TASOR: variants seen among roughly 807,000 people sequenced by gnomAD.
TASOR encodes protein TASOR.
TASOR carries 53 observed loss-of-function variants against 178.6 expected under a neutral mutation model. The ratio of observed to expected loss-of-function variants is 0.30; its 90% CI spans 0.24 to 0.37. The LOEUF (loss-of-function observed/expected upper bound fraction) is 0.37, where lower values mean the gene tolerates loss of function less well. TASOR is among the 10% of genes least tolerant of loss of function. The pLI is 1.00. For synonymous variants in TASOR, 713 were observed against 696.2 expected, an observed-to-expected ratio of 1.02 and a Z score of -0.38; for missense variants, 1,815 against 1,971.4, an observed-to-expected ratio of 0.92 and a Z score of 1.50.
chr3:56,635,335 T>TAA (rs2107549400), intron 17 of TASOR, among the ~76,000 whole-genome samples: 1 of 152,288 alleles, frequency 6.6e-6, no homozygotes, highest in South Asian at 2.1e-4. Flanking sequence ...ATGAAATTGA[T>TAA]AAACCAGAAA....
intron 11 of TASOR, among the ~76,000 whole-genome samples, chr3:56,658,046 T>C (rs1397701575): frequency 2.0e-5 from 3 of 150,212 alleles, no homozygotes; most frequent in African/African-American, 4.8e-5. Flanking sequence ...TCAGAAAACC[T>C]TGTGTGCATT....
intron 2 of TASOR, among the ~76,000 whole-genome samples, chr3:56,673,317 A>T (rs1335962548): frequency 2.6e-5 from 4 of 151,502 alleles, no homozygotes; most frequent in Non-Finnish European, 1.5e-5. Context: ...CTGTAATCCC[A>T]GCTACTTTGG....
In TASOR at chr3:56,633,835, T is replaced by C. The variant is rs758446384; in HGVS notation, c.2956A>G (p.Lys986Glu). ...AACACGTCATCCTCAGTGGTGCCCT[T>C]TAGTGTGTCTGTAAATGGAGAGGAT... is the stretch of plus-strand genomic sequence containing the variant. ...FPSSPFTDTLKGTTEDDVLTG... is the reference protein window; with the variant it reads ...FPSSPFTDTLEGTTEDDVLTG... Residue 986 changes from lysine to glutamate, a missense_variant, in exon 18 of 24, where the codon AAG becomes GAG. By Grantham distance (56) the Lys-to-Glu change is moderately conservative. This residue lies in a region of TASOR where 655 missense variants were observed against 671.1 expected (regional missense o/e 0.98). Transcript: ENST00000683822. 1.9e-6 allele frequency: 3 copies of C among 1,614,046 alleles called. No homozygotes were observed. Among genetic ancestry groups the C allele is most frequent in the Non-Finnish European group, 2.5e-6 (3 of 1,179,980 alleles).
At chr3:56,667,436 T>C (rs945898354) in intron 6 of TASOR, among the ~76,000 whole-genome samples, 2 of 152,066 alleles carry the variant, frequency 1.3e-5, no homozygotes, top group South Asian at 2.1e-4. Context: ...CAGGATCACC[T>C]GAGGTCAGGA....
intron 18 of TASOR, among the ~76,000 whole-genome samples, chr3:56,631,670 G>A (rs1385519420): frequency 6.8e-6 from 1 of 148,010 alleles, no homozygotes; most frequent in Non-Finnish European, 1.5e-5. Context: ...TGCAAGCTCC[G>A]CCTCCCGGAT....
intron 18 of TASOR, among the ~76,000 whole-genome samples, chr3:56,630,919 G>A (rs1004001083): frequency 9.3e-5 from 13 of 140,082 alleles, no homozygotes; most frequent in African/African-American, 3.1e-4. Context: ...GAGCGGGGGG[G>A]TGGGGGGTGG....
At chr3:56,657,013 A>G (rs2077485890) in intron 11 of TASOR, among the ~76,000 whole-genome samples, 1 of 151,752 alleles carries the variant, frequency 6.6e-6, no homozygotes. Flanking sequence ...ACCGTCAAAA[A>G]AAAAAAAAAG....
At position 56,655,056 on chromosome 3, in the gene TASOR, T is replaced by C. The variant is rs78277801; in HGVS notation, c.1368+5675A>G. 4.3e-4 allele frequency among the ~76,000 whole-genome samples: 65 copies of C among 152,332 alleles called. No individual in the cohort carries two copies. The East Asian group carries it at 0.011, about 25-fold the overall frequency. ...AACCCAAAAATACTGTGTGACCAGATTGATAAATGCAACCCCTGACCCAAA... is the reference window on the plus strand; with the variant it reads ...AACCCAAAAATACTGTGTGACCAGACTGATAAATGCAACCCCTGACCCAAA... On this transcript the variant is annotated intron_variant, in intron 11 of 23. Coordinates refer to ENST00000683822, the MANE Select transcript of TASOR (RefSeq NM_001365635.2).
intron 14 of TASOR, among the ~76,000 whole-genome samples, chr3:56,643,671 C>T (rs555210779): frequency 1.5e-3 from 233 of 151,038 alleles, no homozygotes; most frequent in African/African-American, 5.5e-3. Flanking sequence ...AAGAGAATGG[C>T]GAGAACCAGG....
rs759389125 is a variant in TASOR at position 56,682,648 on chromosome 3, G to C, written c.331+28C>G. ...TGAAAAGATGGAGGGGAGAGAGAGAGGGGGTTGAGAAGAAGGGGAGGCACC... is the reference window on the plus strand; with the variant it reads ...TGAAAAGATGGAGGGGAGAGAGAGACGGGGTTGAGAAGAAGGGGAGGCACC... On this transcript the variant is annotated intron_variant, in intron 1 of 23. Coordinates refer to ENST00000683822, the MANE Select transcript of TASOR (RefSeq NM_001365635.2). The C allele has an allele frequency of 7.7e-6, 11 of 1,437,332 alleles. No homozygotes were observed. The African/African-American group carries it at 8.7e-5, about 11-fold the overall frequency. The allele number at this position is 1,437,332 out of a possible 1,614,324, so 89.0% of individuals were successfully genotyped here.
rs778768594 is a variant in TASOR at position 56,624,950 on chromosome 3, T to C, written c.4196A>G (p.His1399Arg). 6.2e-7 allele frequency: 1 copy of C among 1,614,198 alleles called. No homozygotes were observed. ...LTLLNVYQKKHLVEILSYHNC... is the reference protein window; with the variant it reads ...LTLLNVYQKKRLVEILSYHNC... The stretch of plus-strand genomic sequence containing the variant: ...GTGGTATGACAAAATTTCAACCAGA[T>C]GTTTCTTCTGATAGACATTCAGAAG... Residue 1399 changes from histidine to arginine, a missense_variant, in exon 22 of 24, where the codon CAT (histidine) becomes CGT (arginine). His to Arg is a conservative substitution (Grantham distance 29). Around this residue, in one of 5 missense-constraint regions of TASOR, gnomAD observed 134 missense variants for 195.2 expected, o/e 0.69. Coordinates refer to ENST00000683822, the MANE Select transcript of TASOR (RefSeq NM_001365635.2).
At position 56,633,434 on chromosome 3, in the gene TASOR, A is replaced by G. The variant is rs1369424557; in HGVS notation, c.3357T>C (p.His1119=). The G allele has an allele frequency of 5.0e-6, 8 of 1,614,122 alleles. No individual in the cohort carries two copies. The Admixed American group carries it at 1.0e-4, about 20-fold the overall frequency. The change falls in exon 18 of 24, where the codon CAT becomes CAC. Residue 1119 remains histidine (H), a synonymous_variant. Transcript: ENST00000683822. ...AGTCACTTGAGGAAACTGGTATGAC[A>G]TGCCTTTCCAGAGGATTCGATGCTA... is the stretch of plus-strand genomic sequence containing the variant. ...AKIASNPLER[H]VIPVSSSDFN...
At chr3:56,639,925 T>C in intron 16 of TASOR, 61 bp downstream of exon 16, 1 of 1,468,822 alleles carries the variant, frequency 6.8e-7, no homozygotes, top group Non-Finnish European at 9.3e-7. Context: ...GATGGAAACA[T>C]TCAGGAAACT....
At chr3:56,626,938 A>G in intron 21 of TASOR, 99 bp downstream of exon 21, 1 of 716,852 alleles carries the variant, frequency 1.4e-6, no homozygotes, top group Non-Finnish European at 2.3e-6. Context: ...ACATCTGTGA[A>G]AAATGAACAT....
chr3:56,666,393 A>G lies in TASOR; in HGVS notation c.898-9T>C. 6.8e-7 allele frequency: 1 copy of G among 1,466,144 alleles called. No individual in the cohort carries two copies. The highest frequency in any genetic ancestry group is 9.0e-7 in the Non-Finnish European group (1 of 1,110,074). The allele number at this position is 1,466,144 out of a possible 1,614,324, so 90.8% of individuals were successfully genotyped here. ...TACTCATAAAAATAATACTAAAAAT[A>G]AGAAAATGAAAAATTAACTTCTTTA... On this transcript the variant is annotated splice_polypyrimidine_tract_variant and intron_variant, in intron 6 of 23. Transcript: ENST00000683822.
chr3:56,661,304 G>A (rs985100596), intron 9 of TASOR, among the ~76,000 whole-genome samples: 1 of 152,080 alleles, frequency 6.6e-6, no homozygotes, highest in Non-Finnish European at 1.5e-5. Flanking sequence ...GTGCCACCAC[G>A]CTAGGGTAAT....
chr3:56,633,637 A>G lies in TASOR; in HGVS notation c.3154T>C (p.Phe1052Leu). ...SYVSTVSTPI[F>L]STQEKMKRLS... ...CGTTTCATCTTCTCTTGTGTTGAAA[A>G]GATAGGTGTGGAAACTGTACTGACA... is the stretch of plus-strand genomic sequence containing the variant. Residue 1052 changes from phenylalanine (F) to leucine (L), a missense_variant, in exon 18 of 24, where the codon TTT (phenylalanine) becomes CTT (leucine). By Grantham distance (22) the Phe-to-Leu change is conservative. This residue lies in a region of TASOR where 655 missense variants were observed against 671.1 expected (regional missense o/e 0.98). Transcript: ENST00000683822. 6.2e-7 allele frequency: 1 copy of G among 1,613,974 alleles called. No individual in the cohort carries two copies. Among genetic ancestry groups the G allele is most frequent in the Non-Finnish European group, 8.5e-7 (1 of 1,179,966 alleles).
chr3:56,643,873 CT>C (rs2077182029), intron 14 of TASOR, among the ~76,000 whole-genome samples: 1 of 152,044 alleles, frequency 6.6e-6, no homozygotes, highest in African/African-American at 2.4e-5. Flanking sequence ...AAATGCAAGT[CT>C]GATAGTCACT....
rs1578173215 is a variant in TASOR at position 56,622,203 on chromosome 3, G to A, written c.*834C>T. 1 of 152,184 alleles carries A rather than the reference G, an allele frequency of 6.6e-6. No individual in the cohort carries two copies. The highest frequency in any genetic ancestry group is 1.9e-4 in the East Asian group (1 of 5,202). The allele number at this position is 152,184 out of a possible 1,614,324, so 9.4% of individuals were successfully genotyped here. ...TTAGTAATTAGTATTAGAGGCAGTAGTTAGGAATAGATACGGGTTTGAAAG... is the reference window on the plus strand; with the variant it reads ...TTAGTAATTAGTATTAGAGGCAGTAATTAGGAATAGATACGGGTTTGAAAG... On this transcript the variant is annotated 3_prime_UTR_variant, in exon 24 of 24. Coordinates refer to ENST00000683822, the MANE Select transcript of TASOR (RefSeq NM_001365635.2).
Sources: allele counts gnomAD v4.1 joint callset (sites outside exome capture counted in the v4.1 genomes callset), GRCh38; gene constraint gnomAD v4.1.1; regional missense constraint gnomAD v4.1.1; transcripts MANE v1.5; gene names NCBI Gene and HGNC (gene_info 2026-07-23, HGNC 2026-07-21).